The following ANTXR1 variants were observed in gnomAD, a reference collection of about 807,000 sequenced individuals.
The protein encoded by ANTXR1 is ANTXR cell adhesion molecule 1.
ANTXR1 carries 19 observed loss-of-function variants against 78.1 expected under a neutral mutation model. The ratio of observed to expected loss-of-function variants is 0.24; its 90% CI spans 0.17 to 0.36. The LOEUF (loss-of-function observed/expected upper bound fraction) is 0.36. ANTXR1 is among the 10% of genes least tolerant of loss of function. The pLI is 1.00. For missense variants in ANTXR1, 518 were observed against 718.6 expected (o/e 0.72, Z 3.19); for synonymous variants, 273 against 260.5 (o/e 1.05, Z -0.46).
intron 17 of ANTXR1, among the ~76,000 whole-genome samples, chr2:69,241,438 G>T (rs969887360): frequency 6.6e-6 from 1 of 152,122 alleles, no homozygotes; most frequent in African/African-American, 2.4e-5. Flanking sequence ...GGGTCTTACT[G>T]TATATTACCC....
intron 8 of ANTXR1, among the ~76,000 whole-genome samples, chr2:69,087,720 C>T (rs1003242141): frequency 3.3e-5 from 5 of 152,128 alleles, no homozygotes; most frequent in Admixed American, 6.5e-5. Flanking sequence ...TTCCCATCAG[C>T]GATTCCCCAG....
chr2:69,049,516 G>C (rs1280401037), intron 3 of ANTXR1, among the ~76,000 whole-genome samples: 1 of 151,946 alleles, frequency 6.6e-6, no homozygotes, highest in Non-Finnish European at 1.5e-5. Flanking sequence ...CACCATGTTG[G>C]TCAGGCTGGT....
chr2:69,135,112 C>A (rs1399690838), intron 12 of ANTXR1: 2 of 380,826 alleles, frequency 5.3e-6, no homozygotes, highest in Non-Finnish European at 1.1e-5. Flanking sequence ...AGTTTGCCAA[C>A]ATCTCTATTT....
At position 69,013,369 on chromosome 2, in the gene ANTXR1, G is replaced by C. The variant is rs1005195325; in HGVS notation, c.-131G>C. 8.0e-7 allele frequency: 1 copy of C among 1,248,584 alleles called. No individual in the cohort carries two copies. Among genetic ancestry groups the C allele is most frequent in the African/African-American group, 1.5e-5 (1 of 67,698 alleles). 77.3% of individuals were successfully genotyped at this position (1,248,584 alleles called of 1,614,324 possible). A position where few individuals can be genotyped will look rare whatever the true frequency, so the allele number is the denominator to read the frequency against. On this transcript the variant is annotated 5_prime_UTR_variant, in exon 1 of 18. Transcript: ENST00000303714. This position sits in a 1 kb window ranked among gnomAD's most constrained non-coding sequence, Gnocchi z 5.0. ...AACTCCTCCAGACAATTGCTTCCGG[G>C]GAGTTGCGAGGGAGCGAGGGGGAAT...
intron 17 of ANTXR1, among the ~76,000 whole-genome samples, chr2:69,209,673 G>T (rs1232229396): frequency 1.3e-5 from 2 of 152,230 alleles, no homozygotes; most frequent in African/African-American, 2.4e-5. Flanking sequence ...AGAGGGAGCT[G>T]CTACGTTAAG....
At chr2:69,138,802 A>G (rs1672989110) in intron 12 of ANTXR1, among the ~76,000 whole-genome samples, 1 of 152,192 alleles carries the variant, frequency 6.6e-6, no homozygotes, top group Non-Finnish European at 1.5e-5. Flanking sequence ...AATATTACTG[A>G]GTTTCTTTTC....
At chr2:69,040,794 TG>T (rs1474245575) in intron 2 of ANTXR1, among the ~76,000 whole-genome samples, 1 of 152,196 alleles carries the variant, frequency 6.6e-6, no homozygotes, top group Non-Finnish European at 1.5e-5. Context: ...ATAGAGTGCT[TG>T]AAGCAAGTTG....
At chr2:69,183,142 C>T (rs1000377353) in intron 16 of ANTXR1, among the ~76,000 whole-genome samples, 9 of 152,188 alleles carry the variant, frequency 5.9e-5, no homozygotes, top group Admixed American at 5.2e-4. Flanking sequence ...GCAGCCTTCT[C>T]CTTAATGCTA....
intron 14 of ANTXR1, among the ~76,000 whole-genome samples, chr2:69,179,954 G>A (rs142516382): frequency 1.3e-5 from 2 of 152,340 alleles, no homozygotes; most frequent in East Asian, 3.9e-4. Context: ...AGCAGAATCT[G>A]AGAGCGAGCA....
At chr2:69,093,754 A>C (rs1573868077) in intron 9 of ANTXR1, among the ~76,000 whole-genome samples, 1 of 152,216 alleles carries the variant, frequency 6.6e-6, no homozygotes, top group Admixed American at 6.5e-5. Flanking sequence ...AATCTAAGGA[A>C]TCTTTCTTTA....
chr2:69,022,960 G>A (rs941101038), intron 1 of ANTXR1, among the ~76,000 whole-genome samples: 17 of 152,212 alleles, frequency 1.1e-4, no homozygotes, highest in African/African-American at 3.9e-4. Context: ...TTTAAGCCAT[G>A]TTGTTTACTA....
At chr2:69,226,504 G>A (rs1375537382) in intron 17 of ANTXR1, among the ~76,000 whole-genome samples, 1 of 152,142 alleles carries the variant, frequency 6.6e-6, no homozygotes, top group Non-Finnish European at 1.5e-5. Flanking sequence ...GAGCCAAAAT[G>A]GTGGTTGAGA....
At chr2:69,073,326 ACT>A (rs1231757802) in intron 6 of ANTXR1, among the ~76,000 whole-genome samples, 3 of 152,146 alleles carry the variant, frequency 2.0e-5, no homozygotes, top group Non-Finnish European at 4.4e-5. Context: ...TTTACATATT[ACT>A]CTGCTTTGAA....
chr2:69,023,529 G>GATGATA (rs1558731377), intron 1 of ANTXR1, among the ~76,000 whole-genome samples: 1 of 151,326 alleles, frequency 6.6e-6, no homozygotes, highest in Non-Finnish European at 1.5e-5. Context: ...TGATGATGAT[G>GATGATA]ATGATGATGA....
At chr2:69,100,996 G>A (rs1386068483) in intron 9 of ANTXR1, among the ~76,000 whole-genome samples, 1 of 152,120 alleles carries the variant, frequency 6.6e-6, no homozygotes, top group Non-Finnish European at 1.5e-5. Flanking sequence ...TTAGCTTTTG[G>A]ATATGAGTCC....
chr2:69,245,125 C>A, intron 17 of ANTXR1, 100 bp from the exon 18 acceptor site: 3 of 1,401,214 alleles, frequency 2.1e-6, no homozygotes, highest in Non-Finnish European at 3.0e-6. Flanking sequence ...CCAACAGGGG[C>A]CAGCTTTCCA....
At chr2:69,044,623 G>A in intron 2 of ANTXR1, 119 bp from the exon 3 acceptor site, 1 of 1,080,394 alleles carries the variant, frequency 9.3e-7, no homozygotes. Flanking sequence ...GCCCCCTGTG[G>A]GTTATGGGTC....
chr2:69,163,313 T>TGA (rs112500185), intron 13 of ANTXR1, among the ~76,000 whole-genome samples: 1 of 149,394 alleles, frequency 6.7e-6, no homozygotes, highest in Non-Finnish European at 1.5e-5. Context: ...TCTTTTCATG[T>TGA]AAAAAAAAAA....
intron 14 of ANTXR1, among the ~76,000 whole-genome samples, chr2:69,181,101 C>A (rs1674265057): frequency 6.6e-6 from 1 of 152,216 alleles, no homozygotes; most frequent in African/African-American, 2.4e-5. Context: ...TTTGCACTTA[C>A]TCTGCTGCTT....
Sources: allele counts gnomAD v4.1 joint callset (sites outside exome capture counted in the v4.1 genomes callset), GRCh38; gene constraint gnomAD v4.1.1; non-coding constraint Gnocchi (gnomAD v3.1); transcripts MANE v1.5; gene names NCBI Gene and HGNC (gene_info 2026-07-23, HGNC 2026-07-21).